Variants in TIAM2 observed in about 807,000 individuals in gnomAD.
TIAM2 encodes the protein TIAM Rac1 associated GEF 2.
TIAM2 carries 80 observed loss-of-function variants against 152.9 expected under a neutral mutation model. The ratio of observed to expected loss-of-function variants is 0.52; its 90% confidence interval spans 0.44 to 0.63. TIAM2 has a LOEUF of 0.63. Ranked by LOEUF, TIAM2 falls within the 30% of genes least tolerant of loss-of-function variation. The pLI is 0.00. For synonymous variants in TIAM2, 804 were observed against 838.0 expected, an observed-to-expected ratio of 0.96 and a Z score of 0.70; for missense variants, 1,965 against 2,120.1, an observed-to-expected ratio of 0.93 and a Z score of 1.44.
chr6:155,079,267 G>T (rs1279947743), intron 1 of TIAM2, among the ~76,000 whole-genome samples: 1 of 152,042 alleles, frequency 6.6e-6, no homozygotes, highest in East Asian at 1.9e-4. Flanking sequence ...TCACCATGTT[G>T]GCCAGGCTGG....
intron 12 of TIAM2, among the ~76,000 whole-genome samples, chr6:155,179,664 C>T (rs1043236147): frequency 2.0e-5 from 3 of 152,048 alleles, no homozygotes; most frequent in Non-Finnish European, 2.9e-5. Context: ...AGGGAAATGC[C>T]AAAGTAATTA....
chr6:155,110,835 C>T (rs1261229226), intron 2 of TIAM2, among the ~76,000 whole-genome samples: 1 of 152,172 alleles, frequency 6.6e-6, no homozygotes, highest in Non-Finnish European at 1.5e-5. Context: ...GCAGTGGGCT[C>T]CACAGATAAT....
intron 7 of TIAM2, among the ~76,000 whole-genome samples, chr6:155,162,175 C>T (rs1780290499): frequency 1.3e-5 from 2 of 152,092 alleles, no homozygotes; most frequent in Admixed American, 6.5e-5. Context: ...CCAGGCTGGT[C>T]TCAAACTCCT....
intron 2 of TIAM2, among the ~76,000 whole-genome samples, chr6:155,114,036 A>ATATTTTTTTTT: frequency 2.9e-4 from 10 of 34,906 alleles, no homozygotes; most frequent in Middle Eastern, 0.025. Flanking sequence ...ATATATATAT[A>ATATTTTTTTTT]TTTTTTTTTT....
intron 1 of TIAM2, among the ~76,000 whole-genome samples, chr6:155,085,280 GA>G (rs1027801740): frequency 2.0e-5 from 3 of 152,174 alleles, no homozygotes; most frequent in Non-Finnish European, 2.9e-5. Context: ...ACAATTTGAA[GA>G]AGGCATGAAT....
At chr6:155,223,527 C>CTTTTT (rs11385281) in intron 15 of TIAM2, among the ~76,000 whole-genome samples, 2 of 130,866 alleles carry the variant, frequency 1.5e-5, no homozygotes, top group Admixed American at 7.7e-5. Flanking sequence ...ATTTTTTTTT[C>CTTTTT]TTTTTTTTTT....
chr6:155,033,337 C>T (rs973988509), intron 1 of TIAM2, among the ~76,000 whole-genome samples: 1 of 152,210 alleles, frequency 6.6e-6, no homozygotes, highest in African/African-American at 2.4e-5. Flanking sequence ...GCTGGCTTGT[C>T]TCCCCAAAAC....
intron 14 of TIAM2, among the ~76,000 whole-genome samples, chr6:155,191,659 G>A (rs1047233030): frequency 1.3e-5 from 2 of 152,134 alleles, no homozygotes; most frequent in African/African-American, 4.8e-5. Flanking sequence ...AGGCGTTGTG[G>A]CGCACACCTG....
intron 1 of TIAM2, among the ~76,000 whole-genome samples, chr6:155,069,252 G>A (rs1333047084): frequency 5.3e-5 from 8 of 151,962 alleles, no homozygotes; most frequent in East Asian, 1.9e-4. Flanking sequence ...GTGCCACCAC[G>A]CCTGACTAAT....
chr6:155,246,994 TACACACA>T (rs1269402979), intron 19 of TIAM2, among the ~76,000 whole-genome samples: 1 of 152,230 alleles, frequency 6.6e-6, no homozygotes, highest in Non-Finnish European at 1.5e-5. Flanking sequence ...CCTGGATTCC[TACACACA>T]CCCTTCATGG....
intron 7 of TIAM2, 115 bp downstream of exon 7, chr6:155,148,449 T>TGGCTC: frequency 9.6e-7 from 1 of 1,042,784 alleles, no homozygotes; most frequent in African/African-American, 1.6e-5. Flanking sequence ...TGGTATTTCT[T>TGGCTC]ACACCCTGGG....
chr6:155,179,258 C>A, intron 11 of TIAM2, 115 bp downstream of exon 11: 1 of 1,420,102 alleles, frequency 7.0e-7, no homozygotes, highest in Non-Finnish European at 9.8e-7. Flanking sequence ...AGTTTGGAAA[C>A]AGTCTCTATA....
intron 1 of TIAM2, among the ~76,000 whole-genome samples, chr6:155,029,699 ATATATAACTATATACAGAGT>A (rs1562295470): frequency 7.2e-6 from 1 of 138,600 alleles, no homozygotes; most frequent in Non-Finnish European, 1.5e-5. Context: ...ATATATAGAG[ATATATAACTATATACAGAGT>A]TATATAACTA....
In TIAM2 at chr6:155,189,395, G is replaced by C. The variant is rs116362164; in HGVS notation, c.3064+5895G>C. Among the ~76,000 whole-genome samples the C allele has an allele frequency of 3.3e-3, 505 of 151,808 alleles. 4 individuals carry two copies. Among genetic ancestry groups the C allele is most frequent in the African/African-American group, 0.011 (442 of 41,362 alleles). ...AAAACAATCTGATTGGGAAATACTG[G>C]TTTTACCAGGACACAGAACTTTGGT... On this transcript the variant is annotated intron_variant, in intron 14 of 26. Transcript: ENST00000682666.
At chr6:155,190,213 G>T (rs901636519) in intron 14 of TIAM2, among the ~76,000 whole-genome samples, 2 of 152,148 alleles carry the variant, frequency 1.3e-5, no homozygotes, top group African/African-American at 4.8e-5. Flanking sequence ...GACTTGAAAA[G>T]CTTGCCCCTG....
At chr6:155,196,021 G>A (rs1781338728) in intron 14 of TIAM2, among the ~76,000 whole-genome samples, 1 of 152,224 alleles carries the variant, frequency 6.6e-6, no homozygotes, top group Non-Finnish European at 1.5e-5. Flanking sequence ...GGGAAGTAGT[G>A]ACATGATCTG....
At chr6:155,143,904 C>A (rs916148558) in intron 5 of TIAM2, among the ~76,000 whole-genome samples, 7 of 152,142 alleles carry the variant, frequency 4.6e-5, no homozygotes, top group African/African-American at 1.7e-4. Flanking sequence ...AAAGCTGAGT[C>A]ATGCAAGAAG....
At chr6:155,134,659 A>G (rs1372445029) in intron 4 of TIAM2, among the ~76,000 whole-genome samples, 1 of 152,132 alleles carries the variant, frequency 6.6e-6, no homozygotes, top group East Asian at 1.9e-4. Context: ...TGTTAATACT[A>G]GCTAGATGAG....
intron 1 of TIAM2, among the ~76,000 whole-genome samples, chr6:155,027,565 CTATA>C (rs1308420379): frequency 3.1e-5 from 3 of 98,032 alleles, no homozygotes; most frequent in African/African-American, 8.1e-5. Flanking sequence ...TACATATATA[CTATA>C]TATAATATAT....
Sources: allele counts gnomAD v4.1 joint callset (sites outside exome capture counted in the v4.1 genomes callset), GRCh38; gene constraint gnomAD v4.1.1; transcripts MANE v1.5; gene names NCBI Gene and HGNC (gene_info 2026-07-23, HGNC 2026-07-21).